The following CLECL1 variants were observed in gnomAD, a reference collection of about 807,000 sequenced individuals.
CLECL1 encodes the protein C-type lectin-like domain family 1.
At chr12:9,733,137 C>T, upstream of CLECL1, 1 of 1,614,100 alleles carries the variant, frequency 6.2e-7, no homozygotes, top group Non-Finnish European at 8.5e-7. Flanking sequence ...GGCAAATTTC[C>T]TTCTGCTCCC....
chr12:9,724,741 TAAGAG>T (rs150949340), intron 3 of CLECL1, among the ~76,000 whole-genome samples: 47,359 of 151,638 alleles, frequency 0.31, 7,748 homozygotes, highest in South Asian at 0.47. Flanking sequence ...TCCCAAAACT[TAAGAG>T]AAGAGAAAGA....
chr12:9,718,673 C>G (rs1245854166), downstream of CLECL1: 1 of 695,288 alleles, frequency 1.4e-6, no homozygotes, highest in South Asian at 1.5e-5. Context: ...CTAATCCAAT[C>G]TGATAATGTC....
downstream of CLECL1, among the ~76,000 whole-genome samples, chr12:9,717,754 C>G (rs918485015): frequency 9.2e-5 from 14 of 152,140 alleles, no homozygotes; most frequent in Non-Finnish European, 1.9e-4. Context: ...ATATATCTCT[C>G]CTTTGACAAT....
At chr12:9,732,418 C>T (rs766595259) in intron 1 of CLECL1, among the ~76,000 whole-genome samples, 12 of 152,292 alleles carry the variant, frequency 7.9e-5, no homozygotes, top group African/African-American at 2.4e-4. Context: ...ATATGCTTAT[C>T]GCCTCTGATT....
the CLECL1 span, among the ~76,000 whole-genome samples, chr12:9,707,240 T>C: frequency 3.9e-5 from 6 of 152,182 alleles, no homozygotes; most frequent in Admixed American, 3.9e-4. Context: ...AAAATTACGA[T>C]GTAGGCATGC....
downstream of CLECL1, among the ~76,000 whole-genome samples, chr12:9,714,378 A>C (rs1299624724): frequency 4.6e-5 from 7 of 152,196 alleles, no homozygotes; most frequent in Non-Finnish European, 8.8e-5. Flanking sequence ...TGCCAATTAC[A>C]CAGCTACCTG....
chr12:9,703,887 C>G, the CLECL1 span, among the ~76,000 whole-genome samples: 1 of 151,854 alleles, frequency 6.6e-6, no homozygotes, highest in Non-Finnish European at 1.5e-5. Flanking sequence ...TATTGACTTG[C>G]GTATTCTACA....
intron 3 of CLECL1, among the ~76,000 whole-genome samples, 196 bp from the exon 2 acceptor site, chr12:9,723,009 T>G (rs1043667094): frequency 1.3e-5 from 2 of 152,248 alleles, no homozygotes; most frequent in African/African-American, 4.8e-5. Context: ...ATTCATTCAC[T>G]CATCCATCCT....
intron 2 of CLECL1, among the ~76,000 whole-genome samples, chr12:9,729,306 A>G (rs764887715): frequency 1.9e-4 from 29 of 152,128 alleles, no homozygotes; most frequent in Non-Finnish European, 2.9e-5. Flanking sequence ...TGTATATCCC[A>G]ACATCAAACT....
chr12:9,712,799 T>C (rs1190421312), downstream of CLECL1, among the ~76,000 whole-genome samples: 2 of 152,194 alleles, frequency 1.3e-5, no homozygotes, highest in Admixed American at 6.5e-5. Flanking sequence ...AATCGATTGA[T>C]AGAATTACAT....
the CLECL1 span, chr12:9,704,274 ACTTT>A: frequency 6.6e-6 from 1 of 152,198 alleles, no homozygotes; most frequent in Non-Finnish European, 1.5e-5. Flanking sequence ...TAATTATGAC[ACTTT>A]CTTCACAAAT....
downstream of CLECL1, chr12:9,718,814 T>C: frequency 1.4e-6 from 1 of 690,726 alleles, no homozygotes; most frequent in African/African-American, 1.8e-5. Flanking sequence ...AAACCAAACC[T>C]GCCAACAACC....
downstream of CLECL1, among the ~76,000 whole-genome samples, chr12:9,718,055 T>G (rs1025344230): frequency 2.0e-5 from 3 of 152,170 alleles, no homozygotes; most frequent in Non-Finnish European, 4.4e-5. Context: ...TGATTCTTCC[T>G]CTTTGGCCTA....
At chr12:9,731,836 G>A (rs1866451475) in intron 1 of CLECL1, among the ~76,000 whole-genome samples, 1 of 152,188 alleles carries the variant, frequency 6.6e-6, no homozygotes, top group African/African-American at 2.4e-5. Context: ...TTAAACCCTG[G>A]AATGCGGAAT....
chr12:9,725,006 T>C (rs1591718154), intron 3 of CLECL1, among the ~76,000 whole-genome samples: 1 of 152,192 alleles, frequency 6.6e-6, no homozygotes, highest in African/African-American at 2.4e-5. Flanking sequence ...GGGGCTAGAA[T>C]ACAGTAAAAG....
chr12:9,731,370 A>G (rs1866445570), intron 1 of CLECL1, among the ~76,000 whole-genome samples: 1 of 152,232 alleles, frequency 6.6e-6, no homozygotes, highest in Non-Finnish European at 1.5e-5. Context: ...AAAGATTAAT[A>G]GATTATGTAG....
chr12:9,725,670 G>A (rs1866371401), intron 3 of CLECL1, among the ~76,000 whole-genome samples: 1 of 152,066 alleles, frequency 6.6e-6, no homozygotes, highest in South Asian at 2.1e-4. Context: ...GTCAGGGCAT[G>A]CAAAGAAACA....
At chr12:9,723,595 G>T (rs1591717645) in intron 3 of CLECL1, among the ~76,000 whole-genome samples, 1 of 152,120 alleles carries the variant, frequency 6.6e-6, no homozygotes, top group Non-Finnish European at 1.5e-5. Context: ...TAGGCCAATT[G>T]TAGTCCCATG....
downstream of CLECL1, among the ~76,000 whole-genome samples, chr12:9,714,536 T>C (rs751270363): frequency 6.6e-6 from 1 of 152,368 alleles, no homozygotes; most frequent in African/African-American, 2.4e-5. Flanking sequence ...TCTGTGTAAT[T>C]GGAACTCCAC....
Sources: allele counts gnomAD v4.1 joint callset (sites outside exome capture counted in the v4.1 genomes callset), GRCh38; gene constraint gnomAD v4.1.1; transcripts MANE v1.5; gene names NCBI Gene and HGNC (gene_info 2026-07-23, HGNC 2026-07-21).